The following PLEKHM3 variants were observed in gnomAD, a reference collection of about 807,000 sequenced individuals.
The protein encoded by PLEKHM3 is pleckstrin homology domain containing M3.
In PLEKHM3, 45 loss-of-function variants were observed where a neutral mutation model predicts 81.8. The observed-to-expected ratio is 0.55, with a 90% CI of 0.43 to 0.71. PLEKHM3 has a LOEUF of 0.71. PLEKHM3 is among the 30% of genes least tolerant of loss of function. PLEKHM3 has a pLI of 0.00. For missense variants in PLEKHM3, 788 were observed against 924.3 expected (o/e 0.85, Z 1.91); for synonymous variants, 352 against 356.4 (o/e 0.99, Z 0.14).
intron 1 of PLEKHM3, among the ~76,000 whole-genome samples, chr2:208,017,954 C>T (rs1692979768): frequency 6.6e-6 from 1 of 152,148 alleles, no homozygotes; most frequent in Non-Finnish European, 1.5e-5. Flanking sequence ...CCTTCCTATG[C>T]CCATATCGTA....
intron 3 of PLEKHM3, among the ~76,000 whole-genome samples, chr2:207,967,735 A>C (rs1180976506): frequency 6.6e-6 from 1 of 152,194 alleles, no homozygotes; most frequent in Admixed American, 6.5e-5. Flanking sequence ...GACATTTACT[A>C]TGTGCCAGGC....
chr2:207,914,225 G>A (rs563571129), intron 5 of PLEKHM3, among the ~76,000 whole-genome samples: 4 of 152,024 alleles, frequency 2.6e-5, no homozygotes, highest in African/African-American at 4.8e-5. Context: ...GCCGGGTGCC[G>A]TGGCTCACGC....
intron 6 of PLEKHM3, among the ~76,000 whole-genome samples, chr2:207,885,422 A>G (rs766725930): frequency 6.6e-6 from 1 of 152,172 alleles, no homozygotes; most frequent in Non-Finnish European, 1.5e-5. Flanking sequence ...TTGCAAATCT[A>G]TCAGCACCTC....
chr2:207,948,232 C>T (rs961721700), intron 3 of PLEKHM3, among the ~76,000 whole-genome samples: 4 of 152,104 alleles, frequency 2.6e-5, no homozygotes, highest in African/African-American at 9.7e-5. Flanking sequence ...TGTTGGAATG[C>T]TGTTCACTGC....
At chr2:207,984,513 T>G (rs1691650199) in intron 2 of PLEKHM3, among the ~76,000 whole-genome samples, 1 of 152,086 alleles carries the variant, frequency 6.6e-6, no homozygotes, top group African/African-American at 2.4e-5. Flanking sequence ...CCCGAGTAGC[T>G]GGGATTACAG....
intron 2 of PLEKHM3, among the ~76,000 whole-genome samples, chr2:207,985,977 G>A: frequency 8.3e-6 from 1 of 120,878 alleles, no homozygotes. Flanking sequence ...AACAGAGCGA[G>A]ACTCCGTCTC....
intron 1 of PLEKHM3, among the ~76,000 whole-genome samples, chr2:208,024,928 C>A (rs1473730139): frequency 6.6e-6 from 1 of 152,146 alleles, no homozygotes; most frequent in South Asian, 2.1e-4. Context: ...CTTAATAATT[C>A]TTTCCTACAA....
intron 5 of PLEKHM3, among the ~76,000 whole-genome samples, chr2:207,912,382 C>T (rs1243679410): frequency 6.6e-6 from 1 of 152,232 alleles, no homozygotes; most frequent in South Asian, 2.1e-4. Flanking sequence ...ACTTCCTCTA[C>T]TGTCTTCTCC....
At chr2:207,868,403 C>T (rs889795623) in intron 6 of PLEKHM3, among the ~76,000 whole-genome samples, 2 of 152,070 alleles carry the variant, frequency 1.3e-5, no homozygotes, top group Non-Finnish European at 2.9e-5. Context: ...TTTCCATACC[C>T]CATCATAACT....
rs893425524 is a variant in PLEKHM3, at chr2:207,822,217, C to A, written c.*6102G>T. 6.6e-6 allele frequency: 1 copy of A among 152,426 alleles called. No individual in the cohort carries two copies. The highest frequency in any genetic ancestry group is 1.5e-5 in the Non-Finnish European group (1 of 68,048). 9.4% of individuals were successfully genotyped at this position (152,426 alleles called of 1,614,324 possible). The stretch of plus-strand genomic sequence containing the variant: ...CACACAAAGCTAATTTGATAGCTCA[C>A]GCCAAACAAAGAGACATTTTTATCA... On this transcript the variant is annotated 3_prime_UTR_variant, in exon 8 of 8. Transcript: ENST00000427836.
chr2:207,996,238 G>C (rs1692116966), intron 2 of PLEKHM3, among the ~76,000 whole-genome samples: 1 of 152,082 alleles, frequency 6.6e-6, no homozygotes, highest in Non-Finnish European at 1.5e-5. Flanking sequence ...CTCTTATCAG[G>C]GCAGCTTTTG....
At chr2:207,985,836 A>C (rs1297391953) in intron 2 of PLEKHM3, among the ~76,000 whole-genome samples, 1 of 151,912 alleles carries the variant, frequency 6.6e-6, no homozygotes, top group Non-Finnish European at 1.5e-5. Context: ...AATACCAAAA[A>C]AATTAGCCGG....
chr2:207,821,322 G>C lies in PLEKHM3; in HGVS notation c.*6997C>G, dbSNP rs2092216062. On this transcript the variant is annotated 3_prime_UTR_variant, in exon 8 of 8. Coordinates refer to ENST00000427836, the MANE Select transcript of PLEKHM3 (RefSeq NM_001080475.3). ...CATTGTTTATTGAGAGAGAGAGAGA[G>C]AGAACTTTATACATTAGGAACTGGT... 1 of 152,170 alleles carries C rather than the reference G, an allele frequency of 6.6e-6. No homozygotes were observed. The highest frequency in any genetic ancestry group is 2.4e-5 in the African/African-American group (1 of 41,424). 9.4% of individuals were successfully genotyped at this position (152,170 alleles called of 1,614,324 possible).
chr2:207,976,855 T>A lies in PLEKHM3; in HGVS notation c.1342A>T (p.Met448Leu), dbSNP rs1691329154. 2 of 1,614,184 alleles carry A rather than the reference T, an allele frequency of 1.2e-6. No individual in the cohort carries two copies. Among genetic ancestry groups the A allele is most frequent in the Middle Eastern group, 1.7e-4 (1 of 6,060 alleles). The change falls in exon 3 of 8, where the codon ATG becomes TTG. Residue 448 changes from methionine to leucine, a missense_variant. By Grantham distance (15) the Met-to-Leu change is conservative (BLOSUM62 2). Coordinates refer to ENST00000427836, the MANE Select transcript of PLEKHM3 (RefSeq NM_001080475.3). The surrounding 1 kb of genome is among the most constrained non-coding windows in gnomAD (Gnocchi z 4.1). ...TTGGCAGCTATCTTCAGAGCCTCCA[T>A]CCATTCCTGAGCCCTCTGTCGGGTC... The part of the protein sequence containing the change: ...AETRQRAQEW[M>L]EALKIAANVA...
chr2:207,832,117 G>A (rs1229794028), intron 7 of PLEKHM3, among the ~76,000 whole-genome samples: 2 of 152,146 alleles, frequency 1.3e-5, no homozygotes, highest in Non-Finnish European at 2.9e-5. Context: ...AGAGCTGAGC[G>A]CACCTGCTCT....
At chr2:208,019,392 C>A (rs191808888) in intron 1 of PLEKHM3, among the ~76,000 whole-genome samples, 1 of 152,134 alleles carries the variant, frequency 6.6e-6, no homozygotes. Context: ...ACCACCATCA[C>A]CCTCATCTTC....
intron 4 of PLEKHM3, among the ~76,000 whole-genome samples, chr2:207,939,946 T>G (rs1322755491): frequency 6.6e-6 from 1 of 152,196 alleles, no homozygotes; most frequent in Non-Finnish European, 1.5e-5. Flanking sequence ...GAGTCCAGGA[T>G]GTCTCCCATA....
chr2:208,012,760 A>C (rs1692745336), intron 1 of PLEKHM3, among the ~76,000 whole-genome samples: 1 of 152,252 alleles, frequency 6.6e-6, no homozygotes, highest in Non-Finnish European at 1.5e-5. Context: ...AGTCCTGCCA[A>C]TGCCTGCTCC....
chr2:207,913,003 G>A (rs1215422269), intron 5 of PLEKHM3, among the ~76,000 whole-genome samples: 1 of 152,146 alleles, frequency 6.6e-6, no homozygotes, highest in Non-Finnish European at 1.5e-5. Flanking sequence ...GCTTTCCTCT[G>A]CTGTGGCTGA....
Sources: gnomAD v4.1 joint callset for allele counts (sites outside exome capture counted in the v4.1 genomes callset) on GRCh38, gnomAD v4.1.1 for gene constraint, Gnocchi (gnomAD v3.1) non-coding constraint, MANE v1.5 for transcripts, NCBI Gene and HGNC (gene_info 2026-07-23, HGNC 2026-07-21) for gene names.